Variants in RASA1 observed in about 807,000 individuals in gnomAD.
RASA1 encodes ras GTPase-activating protein 1.
Under a neutral mutation model 132.2 loss-of-function variants are expected in RASA1, and 25 were observed. That is an observed-to-expected ratio of 0.19 (90% CI 0.14 to 0.26). The LOEUF is 0.26. Among genes scored for constraint, RASA1 ranks in the 10% least tolerant of loss-of-function variants. RASA1 has a pLI of 1.00. For synonymous variants in RASA1, 477 were observed against 449.9 expected (o/e 1.06, Z -0.76); for missense variants, 964 against 1,299.2 (o/e 0.74, Z 3.97).
intron 9 of RASA1, among the ~76,000 whole-genome samples, chr5:87,356,238 G>A (rs1468314259): frequency 6.6e-6 from 1 of 152,088 alleles, no homozygotes; most frequent in Admixed American, 6.6e-5. Context: ...GTCAATTGAT[G>A]CAGCAGACTT....
intron 12 of RASA1, among the ~76,000 whole-genome samples, chr5:87,371,515 A>T (rs898764919): frequency 3.3e-5 from 5 of 152,180 alleles, no homozygotes; most frequent in African/African-American, 1.2e-4. Context: ...TAAACATTTT[A>T]AAAATATGGC....
intron 21 of RASA1, 26 bp from the exon 22 acceptor site, chr5:87,385,275 A>AT: frequency 6.8e-7 from 1 of 1,477,620 alleles, no homozygotes; most frequent in Non-Finnish European, 9.5e-7. Context: ...ACTTGGTGTC[A>AT]TTAGCTGTGC....
intron 1 of RASA1, chr5:87,330,811 C>A: frequency 2.0e-6 from 1 of 504,452 alleles, no homozygotes; most frequent in Non-Finnish European, 3.2e-6. Context: ...ATCTTAGAGC[C>A]AAAGGGATTA....
rs990919980 is a variant in RASA1, at chr5:87,391,282, A to G, written c.*399A>G. The G allele has an allele frequency of 1.9e-5, 7 of 378,284 alleles. No individual in the cohort carries two copies. Among genetic ancestry groups the G allele is most frequent in the African/African-American group, 1.4e-4 (7 of 50,168 alleles). 23.4% of individuals were successfully genotyped at this position (378,284 alleles called of 1,614,324 possible). A position where few individuals can be genotyped will look rare whatever the true frequency, so the allele number is the denominator to read the frequency against. On this transcript the variant is annotated 3_prime_UTR_variant, in exon 25 of 25. Coordinates refer to ENST00000274376, the MANE Select transcript of RASA1 (RefSeq NM_002890.3). ...ATCAACTGACAAGAAACACATTCTT[A>G]TTGACAATTGTGTATAACTGGATTG...
At chr5:87,351,231 A>G (rs932118448) in intron 8 of RASA1, among the ~76,000 whole-genome samples, 6 of 151,838 alleles carry the variant, frequency 4.0e-5, no homozygotes, top group African/African-American at 1.4e-4. Flanking sequence ...TTCAGCAGCC[A>G]TTTATCGACT....
intron 1 of RASA1, among the ~76,000 whole-genome samples, chr5:87,312,925 A>G (rs1756026387): frequency 6.6e-6 from 1 of 152,248 alleles, no homozygotes; most frequent in South Asian, 2.1e-4. Context: ...GGTGTTTATC[A>G]GGGAATGATC....
intron 1 of RASA1, among the ~76,000 whole-genome samples, chr5:87,309,988 C>T (rs577831323): frequency 2.6e-5 from 4 of 151,888 alleles, no homozygotes; most frequent in African/African-American, 7.3e-5. Flanking sequence ...GTTGAAAGCT[C>T]TTCTACTTGT....
At chr5:87,311,153 A>G (rs1196312941) in intron 1 of RASA1, among the ~76,000 whole-genome samples, 1 of 152,180 alleles carries the variant, frequency 6.6e-6, no homozygotes, top group Non-Finnish European at 1.5e-5. Context: ...TTTATGACAC[A>G]TTAGTTTTAC....
intron 1 of RASA1, among the ~76,000 whole-genome samples, chr5:87,287,384 C>G (rs1026759476): frequency 1.4e-5 from 2 of 143,252 alleles, no homozygotes; most frequent in African/African-American, 5.2e-5. Flanking sequence ...TATACACACA[C>G]CATATATATA....
At chr5:87,374,459 A>ATAT (rs1342092258) in intron 14 of RASA1, 139 bp downstream of exon 14, 69 of 167,784 alleles carry the variant, frequency 4.1e-4, no homozygotes, top group African/African-American at 6.0e-4. Context: ...ATATATATAT[A>ATAT]TTTTTTTTTT....
chr5:87,326,870 A>G (rs1757269701), intron 1 of RASA1, among the ~76,000 whole-genome samples: 1 of 152,168 alleles, frequency 6.6e-6, no homozygotes, highest in Admixed American at 6.5e-5. Flanking sequence ...GCCTTAGTAG[A>G]AAAAAAGATT....
At chr5:87,329,930 A>T (rs1345323985) in intron 1 of RASA1, among the ~76,000 whole-genome samples, 4 of 152,192 alleles carry the variant, frequency 2.6e-5, no homozygotes, top group Non-Finnish European at 4.4e-5. Flanking sequence ...TTTCAGATTT[A>T]AAAAGTCCCT....
Position 87,391,181 on chromosome 5 carries a change from T to C in RASA1, c.*298T>C, listed in dbSNP as rs886060846. The C allele has an allele frequency of 4.4e-5, 22 of 498,156 alleles. No individual in the cohort carries two copies. The highest frequency in any genetic ancestry group is 1.0e-4 in the Admixed American group (3 of 28,634). The allele number at this position is 498,156 out of a possible 1,614,324, so 30.9% of individuals were successfully genotyped here. The stretch of plus-strand genomic sequence containing the variant: ...GAAATGCTATGACTGTATCTTGATA[T>C]CTCGAACTTTCAAAATATATTTTCA... On this transcript the variant is annotated 3_prime_UTR_variant, in exon 25 of 25. Coordinates refer to ENST00000274376, the MANE Select transcript of RASA1 (RefSeq NM_002890.3).
chr5:87,326,307 A>G (rs1757225924), intron 1 of RASA1, among the ~76,000 whole-genome samples: 1 of 152,162 alleles, frequency 6.6e-6, no homozygotes. Context: ...ATGTGATTCC[A>G]AATTTAAAAT....
intron 9 of RASA1, among the ~76,000 whole-genome samples, chr5:87,359,347 C>T (rs979221471): frequency 4.6e-5 from 7 of 152,148 alleles, no homozygotes; most frequent in African/African-American, 1.4e-4. Flanking sequence ...AACTATCTCT[C>T]AGGCTGAGAA....
chr5:87,367,838 A>G (rs989180097), intron 11 of RASA1, among the ~76,000 whole-genome samples: 3 of 152,082 alleles, frequency 2.0e-5, no homozygotes, highest in South Asian at 2.1e-4. Flanking sequence ...TTGTCATTCA[A>G]ATTGTTTCTG....
intron 1 of RASA1, among the ~76,000 whole-genome samples, chr5:87,279,730 C>A (rs1246479504): frequency 6.6e-6 from 1 of 152,160 alleles, no homozygotes; most frequent in Admixed American, 6.5e-5. Flanking sequence ...TTTTGATTAA[C>A]ATTTTTCTAA....
At chr5:87,333,199 A>G in intron 3 of RASA1, 68 bp from the exon 4 acceptor site, 1 of 1,583,736 alleles carries the variant, frequency 6.3e-7, no homozygotes, top group Non-Finnish European at 8.6e-7. Flanking sequence ...CTTTATGTGG[A>G]TATACCTCTT....
chr5:87,374,134 T>C, intron 13 of RASA1, 29 bp from the exon 14 acceptor site: 2 of 1,129,688 alleles, frequency 1.8e-6, no homozygotes, highest in Non-Finnish European at 1.1e-6. Flanking sequence ...TCTGGGGTAA[T>C]ATATATATAT....
Sources: allele counts gnomAD v4.1 joint callset (sites outside exome capture counted in the v4.1 genomes callset), GRCh38; gene constraint gnomAD v4.1.1; transcripts MANE v1.5; gene names NCBI Gene and HGNC (gene_info 2026-07-23, HGNC 2026-07-21).